The following GRXCR1 variants were observed in gnomAD, a reference collection of about 807,000 sequenced individuals.
GRXCR1 encodes glutaredoxin domain-containing cysteine-rich protein 1.
A neutral mutation model predicts 27.3 loss-of-function variants in GRXCR1; 27 were observed. The ratio of observed to expected loss-of-function variants is 0.99; its 90% CI spans 0.73 to 1.37. The LOEUF is 1.37. Ranked by LOEUF, GRXCR1 falls within the 40% of genes most tolerant of loss-of-function variation. GRXCR1 has a pLI of 0.00. For synonymous variants in GRXCR1, 122 were observed against 131.1 expected (o/e 0.93, Z 0.47); for missense variants, 379 against 354.4 (o/e 1.07, Z -0.56).
intron 2 of GRXCR1, among the ~76,000 whole-genome samples, chr4:42,969,153 A>G (rs1748321556): frequency 6.6e-6 from 1 of 152,162 alleles, no homozygotes; most frequent in African/African-American, 2.4e-5. Context: ...AATAATAACT[A>G]GTGTCATAAA....
intron 1 of GRXCR1, among the ~76,000 whole-genome samples, chr4:42,927,806 C>T (rs1466154070): frequency 6.6e-6 from 1 of 151,868 alleles, no homozygotes; most frequent in Admixed American, 6.6e-5. Flanking sequence ...AAATTTTCCC[C>T]ATTAAGGGTA....
At chr4:42,900,505 T>C (rs1339542306) in intron 1 of GRXCR1, among the ~76,000 whole-genome samples, 1 of 152,158 alleles carries the variant, frequency 6.6e-6, no homozygotes, top group African/African-American at 2.4e-5. Context: ...AATTAGTTGC[T>C]TCTTTTTTGT....
chr4:42,930,703 T>A (rs1303695556), intron 1 of GRXCR1, among the ~76,000 whole-genome samples: 1 of 151,988 alleles, frequency 6.6e-6, no homozygotes, highest in Non-Finnish European at 1.5e-5. Context: ...CAACCACAGA[T>A]AAGTGAATTA....
intron 2 of GRXCR1, among the ~76,000 whole-genome samples, chr4:42,999,694 A>T (rs1712286855): frequency 6.6e-6 from 1 of 152,192 alleles, no homozygotes; most frequent in Non-Finnish European, 1.5e-5. Context: ...TGCTTGGTAC[A>T]ACTATTAGGA....
chr4:43,004,411 G>A (rs184287245), intron 2 of GRXCR1, among the ~76,000 whole-genome samples: 1 of 152,318 alleles, frequency 6.6e-6, no homozygotes, highest in East Asian at 1.9e-4. Flanking sequence ...CTGGGGCACT[G>A]CCCAGTGGAA....
At chr4:42,937,913 T>C (rs913434098) in intron 1 of GRXCR1, among the ~76,000 whole-genome samples, 22 of 152,010 alleles carry the variant, frequency 1.4e-4, no homozygotes, top group Non-Finnish European at 3.1e-4. Flanking sequence ...ATCATTTCTT[T>C]GAGTTATAAA....
At chr4:42,943,751 C>G (rs1747678165) in intron 1 of GRXCR1, among the ~76,000 whole-genome samples, 1 of 151,998 alleles carries the variant, frequency 6.6e-6, no homozygotes, top group South Asian at 2.1e-4. Context: ...CCAGATATTG[C>G]CCTAGGTCAG....
chr4:43,024,197 C>CTTTTTTTTTTTTTTTTTTT (rs60704333), intron 3 of GRXCR1, among the ~76,000 whole-genome samples: 4 of 94,236 alleles, frequency 4.2e-5, no homozygotes, highest in East Asian at 3.6e-4. Context: ...ATTTTCTGTC[C>CTTTTTTTTTTTTTTTTTTT]TTTTTTTTTT....
intron 2 of GRXCR1, among the ~76,000 whole-genome samples, chr4:42,966,137 A>G (rs1012666673): frequency 1.3e-5 from 2 of 152,100 alleles, no homozygotes; most frequent in Admixed American, 1.3e-4. Flanking sequence ...GAACTTGCTT[A>G]AGGCAACTGT....
chr4:42,981,964 CTAGA>C (rs1748681655), intron 2 of GRXCR1, among the ~76,000 whole-genome samples: 1 of 151,778 alleles, frequency 6.6e-6, no homozygotes, highest in African/African-American at 2.4e-5. Flanking sequence ...CTCCCTGTGT[CTAGA>C]TATTTATATC....
intron 1 of GRXCR1, among the ~76,000 whole-genome samples, chr4:42,938,931 T>C (rs1281626694): frequency 6.6e-6 from 1 of 151,888 alleles, no homozygotes; most frequent in African/African-American, 2.4e-5. Context: ...CATTTGAAAT[T>C]ATGTGATGTG....
At chr4:42,929,445 CA>C (rs1401114538) in intron 1 of GRXCR1, among the ~76,000 whole-genome samples, 1 of 151,988 alleles carries the variant, frequency 6.6e-6, no homozygotes, top group African/African-American at 2.4e-5. Flanking sequence ...GAAATCTTGT[CA>C]TCAGGCAGGA....
chr4:42,895,413 C>G (rs1746326742), intron 1 of GRXCR1, among the ~76,000 whole-genome samples: 1 of 152,100 alleles, frequency 6.6e-6, no homozygotes, highest in African/African-American at 2.4e-5. Context: ...AACTGCCCAC[C>G]AATCTGGTCC....
chr4:42,937,035 A>T (rs1038209232), intron 1 of GRXCR1, among the ~76,000 whole-genome samples: 1 of 151,838 alleles, frequency 6.6e-6, no homozygotes, highest in Non-Finnish European at 1.5e-5. Context: ...GAGGAGTTAC[A>T]CTCTACTTCC....
intron 1 of GRXCR1, among the ~76,000 whole-genome samples, chr4:42,920,611 A>C (rs924682784): frequency 6.6e-6 from 1 of 152,116 alleles, no homozygotes; most frequent in Non-Finnish European, 1.5e-5. Context: ...ATCCCAGTGC[A>C]TGTCAGTGGG....
intron 2 of GRXCR1, among the ~76,000 whole-genome samples, chr4:43,005,605 A>G (rs1037755684): frequency 1.3e-5 from 2 of 152,176 alleles, no homozygotes; most frequent in Non-Finnish European, 2.9e-5. Flanking sequence ...ATTGCAAACT[A>G]TAAACACCAA....
chr4:42,893,459 C>G lies in GRXCR1; in HGVS notation c.193C>G (p.His65Asp). The G allele has an allele frequency of 6.2e-7, 1 of 1,613,766 alleles. No homozygotes were observed. The highest frequency in any genetic ancestry group is 8.5e-7 in the Non-Finnish European group (1 of 1,179,798). ...LGDSDGQQNG[H>D]IESEGDENEN... is the part of the protein sequence containing the mutation. ...TGATTCCGATGGACAGCAGAATGGC[C>G]ACATAGAGTCAGAAGGTGATGAGAA... Residue 65 changes from histidine (H) to aspartate (D), a missense_variant, in exon 1 of 4, where the codon CAC (histidine) becomes GAC (aspartate). Coordinates refer to ENST00000399770, the MANE Select transcript of GRXCR1 (RefSeq NM_001080476.3).
At chr4:42,958,584 CT>C (rs1349741154) in intron 1 of GRXCR1, among the ~76,000 whole-genome samples, 1 of 151,916 alleles carries the variant, frequency 6.6e-6, no homozygotes, top group Non-Finnish European at 1.5e-5. Flanking sequence ...AACTAAAATG[CT>C]TCTGTACAGC....
intron 1 of GRXCR1, among the ~76,000 whole-genome samples, chr4:42,946,998 G>A (rs145748562): frequency 6.6e-6 from 1 of 152,256 alleles, no homozygotes; most frequent in Non-Finnish European, 1.5e-5. Context: ...CGAATGGAGA[G>A]TTTTGAAGGG....
Sources: allele counts gnomAD v4.1 joint callset (sites outside exome capture counted in the v4.1 genomes callset), GRCh38; gene constraint gnomAD v4.1.1; transcripts MANE v1.5; gene names NCBI Gene and HGNC (gene_info 2026-07-23, HGNC 2026-07-21).